Variants in RAD23B observed in about 807,000 individuals in gnomAD.
The protein encoded by RAD23B is lysine-specific demethylase RAD23B.
In RAD23B, 5 loss-of-function variants were observed where a neutral mutation model predicts 49.1. That is an observed-to-expected ratio of 0.10 (90% CI 0.05 to 0.21). The LOEUF is 0.21. Ranked by LOEUF, RAD23B falls within the 10% of genes least tolerant of loss-of-function variation. The pLI is 1.00. For missense variants in RAD23B, 356 were observed against 486.7 expected (o/e 0.73, Z 2.53); for synonymous variants, 184 against 165.4 (o/e 1.11, Z -0.86).
intron 2 of RAD23B, among the ~76,000 whole-genome samples, chr9:107,301,464 A>G (rs934119520): frequency 6.6e-6 from 1 of 152,174 alleles, no homozygotes. Flanking sequence ...TATATAATCA[A>G]TACATTTGTA....
At chr9:107,295,897 AG>A (rs1457700785) in intron 1 of RAD23B, among the ~76,000 whole-genome samples, 1 of 152,094 alleles carries the variant, frequency 6.6e-6, no homozygotes, top group African/African-American at 2.4e-5. Flanking sequence ...CAGAAAGACA[AG>A]GAAGTTTTTG....
chr9:107,303,609 A>G (rs1028126890), intron 3 of RAD23B, among the ~76,000 whole-genome samples: 1 of 152,210 alleles, frequency 6.6e-6, no homozygotes, highest in Non-Finnish European at 1.5e-5. Context: ...AGCTATCACC[A>G]TCATATAAGT....
chr9:107,320,381 G>A (rs1587862133), intron 6 of RAD23B, among the ~76,000 whole-genome samples: 1 of 152,246 alleles, frequency 6.6e-6, no homozygotes, highest in South Asian at 2.1e-4. Flanking sequence ...TTCTGTATAA[G>A]TTCAACAGTA....
At chr9:107,316,753 A>T (rs1227759420) in intron 5 of RAD23B, among the ~76,000 whole-genome samples, 1 of 152,104 alleles carries the variant, frequency 6.6e-6, no homozygotes, top group Non-Finnish European at 1.5e-5. Context: ...GGAAACATGC[A>T]GAATGACATG....
intron 9 of RAD23B, 195 bp downstream of exon 9, chr9:107,325,199 A>C: frequency 7.7e-6 from 3 of 388,100 alleles, no homozygotes; most frequent in Non-Finnish European, 1.4e-5. Flanking sequence ...CTGTAATCTC[A>C]GCTACTTGGG....
chr9:107,322,149 A>T (rs1387946503), intron 7 of RAD23B, 31 bp downstream of exon 7: 5 of 1,544,478 alleles, frequency 3.2e-6, no homozygotes, highest in Admixed American at 4.2e-5. Context: ...TGGGGAGGGA[A>T]TGGCCCTGAA....
At chr9:107,329,372 A>G (rs1048255575) in intron 9 of RAD23B, among the ~76,000 whole-genome samples, 171 bp from the exon 10 acceptor site, 1 of 152,238 alleles carries the variant, frequency 6.6e-6, no homozygotes, top group African/African-American at 2.4e-5. Flanking sequence ...CAGTAAATCC[A>G]TATTGATAGA....
intron 1 of RAD23B, among the ~76,000 whole-genome samples, chr9:107,296,989 G>A (rs1826540158): frequency 6.6e-6 from 1 of 151,786 alleles, no homozygotes; most frequent in Non-Finnish European, 1.5e-5. Context: ...CGAGTAGCTG[G>A]GACTACAAGT....
chr9:107,301,958 G>T, intron 2 of RAD23B, 77 bp from the exon 3 acceptor site: 1 of 1,527,736 alleles, frequency 6.5e-7, no homozygotes, highest in South Asian at 1.2e-5. Flanking sequence ...TTCATATTTC[G>T]AGTAGAAAGT....
chr9:107,287,504 G>A (rs1055930439), intron 1 of RAD23B, among the ~76,000 whole-genome samples: 19 of 152,142 alleles, frequency 1.2e-4, no homozygotes, highest in Admixed American at 4.6e-4. Context: ...TCTATAAATA[G>A]CATATTAGTG....
intron 4 of RAD23B, among the ~76,000 whole-genome samples, chr9:107,306,875 T>TG (rs1262126316): frequency 6.6e-6 from 1 of 150,778 alleles, no homozygotes; most frequent in Non-Finnish European, 1.5e-5. Flanking sequence ...TTGGGCAGGG[T>TG]GGGGGGCAGT....
chr9:107,299,614 A>G (rs1408860260), intron 1 of RAD23B, among the ~76,000 whole-genome samples: 1 of 152,188 alleles, frequency 6.6e-6, no homozygotes, highest in Non-Finnish European at 1.5e-5. Context: ...CTTTTTAAAA[A>G]TACTGATGTC....
Position 107,330,241 on chromosome 9 carries a change from C to T in RAD23B, c.*585C>T, listed in dbSNP as rs1355141634. The T allele has an allele frequency of 1.3e-5, 2 of 152,550 alleles. No individual in the cohort carries two copies. The highest frequency in any genetic ancestry group is 3.8e-4 in the East Asian group (2 of 5,198). The allele number at this position is 152,550 out of a possible 1,614,324, so 9.4% of individuals were successfully genotyped here. On this transcript the variant is annotated 3_prime_UTR_variant, in exon 10 of 10. Transcript: ENST00000358015. The surrounding 1 kb of genome is among the most constrained non-coding windows in gnomAD (Gnocchi z 4.4). ...TGGGGTGGGAGGGGAGAAAGGGAAC[C>T]TTTTCTTAAAATGAAAATAATTACT...
chr9:107,312,818 A>G (rs970511513), intron 5 of RAD23B, among the ~76,000 whole-genome samples: 1 of 151,952 alleles, frequency 6.6e-6, no homozygotes, highest in Non-Finnish European at 1.5e-5. Context: ...AGCTGGAGCC[A>G]GCTAGCACTT....
At chr9:107,326,028 G>C (rs912562341) in intron 9 of RAD23B, among the ~76,000 whole-genome samples, 1 of 152,064 alleles carries the variant, frequency 6.6e-6, no homozygotes, top group Non-Finnish European at 1.5e-5. Context: ...TACATTGATT[G>C]ATTTTGTATG....
intron 1 of RAD23B, among the ~76,000 whole-genome samples, chr9:107,292,391 C>A (rs1237176174): frequency 6.6e-6 from 1 of 152,078 alleles, no homozygotes; most frequent in Non-Finnish European, 1.5e-5. Context: ...TTTAAAAATG[C>A]CTGGTCAGGC....
chr9:107,310,518 A>G (rs1198266787), intron 4 of RAD23B, among the ~76,000 whole-genome samples: 1 of 152,218 alleles, frequency 6.6e-6, no homozygotes, highest in African/African-American at 2.4e-5. Flanking sequence ...TGTTAAGTTA[A>G]AAAAACACCA....
At chr9:107,299,355 C>CT (rs1564242993) in intron 1 of RAD23B, among the ~76,000 whole-genome samples, 1 of 152,110 alleles carries the variant, frequency 6.6e-6, no homozygotes, top group Non-Finnish European at 1.5e-5. Flanking sequence ...CCATCTCTGC[C>CT]TTTTTTACTC....
intron 3 of RAD23B, among the ~76,000 whole-genome samples, chr9:107,302,708 C>T (rs1192287271): frequency 6.8e-6 from 1 of 147,398 alleles, no homozygotes; most frequent in Admixed American, 6.8e-5. Context: ...CAGGCTGGAG[C>T]GCAGTGACGC....
Sources: gnomAD v4.1 joint callset for allele counts (sites outside exome capture counted in the v4.1 genomes callset) on GRCh38, gnomAD v4.1.1 for gene constraint, Gnocchi (gnomAD v3.1) non-coding constraint, MANE v1.5 for transcripts, NCBI Gene and HGNC (gene_info 2026-07-23, HGNC 2026-07-21) for gene names.